The following TRPM1 variants were observed in gnomAD, a reference collection of about 807,000 sequenced individuals.
The protein encoded by TRPM1 is transient receptor potential cation channel subfamily M member 1.
In TRPM1, 113 loss-of-function variants were observed where a neutral mutation model predicts 149.4. The ratio of observed to expected loss-of-function variants is 0.76; its 90% confidence interval spans 0.65 to 0.88. TRPM1 has a LOEUF of 0.88. Ranked by LOEUF, TRPM1 falls within the 40% of genes least tolerant of loss-of-function variation. The pLI, the probability that TRPM1 is intolerant of heterozygous loss-of-function variation, is 0.00. For synonymous variants in TRPM1, 741 were observed against 759.5 expected, an observed-to-expected ratio of 0.98 and a Z score of 0.40; for missense variants, 1,976 against 2,038.7, an observed-to-expected ratio of 0.97 and a Z score of 0.59.
chr15:31,051,941 T>C (rs1047671112), intron 11 of TRPM1, among the ~76,000 whole-genome samples: 5 of 152,184 alleles, frequency 3.3e-5, no homozygotes, highest in African/African-American at 1.2e-4. Flanking sequence ...CTGGGGAGCA[T>C]TGTGACATCT....
intron 1 of TRPM1, among the ~76,000 whole-genome samples, chr15:31,090,047 C>T (rs1457694177): frequency 6.6e-6 from 1 of 152,158 alleles, no homozygotes; most frequent in Non-Finnish European, 1.5e-5. Flanking sequence ...TAAAAGTATA[C>T]GGAAATATTG....
chr15:31,017,228 G>T (rs944421939), intron 27 of TRPM1, among the ~76,000 whole-genome samples: 5 of 152,244 alleles, frequency 3.3e-5, no homozygotes, highest in African/African-American at 1.2e-4. Flanking sequence ...AAGGTTGCTT[G>T]AACCCGGGAG....
At chr15:31,149,730 A>C (rs551471039) in intron 1 of TRPM1, among the ~76,000 whole-genome samples, 2 of 152,036 alleles carry the variant, frequency 1.3e-5, no homozygotes, top group African/African-American at 2.4e-5. Context: ...CGTGTTAGCC[A>C]GGATGGTCTC....
intron 15 of TRPM1, among the ~76,000 whole-genome samples, chr15:31,046,540 C>T (rs1453182109): frequency 6.6e-6 from 1 of 152,086 alleles, no homozygotes; most frequent in African/African-American, 2.4e-5. Flanking sequence ...AGGAGGGCAT[C>T]ATGAAAGATC....
chr15:31,088,325 G>C (rs1032484288), intron 1 of TRPM1, among the ~76,000 whole-genome samples: 2 of 152,180 alleles, frequency 1.3e-5, no homozygotes, highest in Non-Finnish European at 2.9e-5. Flanking sequence ...CAATCCGCTC[G>C]GGTCTCCTTA....
intron 27 of TRPM1, among the ~76,000 whole-genome samples, chr15:31,020,805 G>C (rs1321276431): frequency 6.6e-6 from 1 of 152,152 alleles, no homozygotes; most frequent in Non-Finnish European, 1.5e-5. Context: ...CTGCATGCTT[G>C]TCTCTCTGTC....
At chr15:31,027,321 T>C (rs921076033) in intron 25 of TRPM1, among the ~76,000 whole-genome samples, 2 of 152,186 alleles carry the variant, frequency 1.3e-5, no homozygotes, top group African/African-American at 2.4e-5. Context: ...TATTCATAAA[T>C]AGCTAAGTGT....
intron 1 of TRPM1, among the ~76,000 whole-genome samples, chr15:31,136,939 G>C (rs2338807): frequency 0.32 from 48,203 of 151,938 alleles, 7,789 homozygotes; most frequent in African/African-American, 0.36. Flanking sequence ...CTGAAAGAGA[G>C]AGATCTGACA....
chr15:31,031,194 C>T (rs1381224252), intron 22 of TRPM1, 37 bp from the exon 23 acceptor site: 1 of 1,613,362 alleles, frequency 6.2e-7, no homozygotes, highest in Non-Finnish European at 8.5e-7. Context: ...ACTGTCTTGG[C>T]TTGTGGGCCA....
chr15:31,060,745 G>A (rs1162225149), intron 10 of TRPM1, 101 bp from the exon 11 acceptor site: 5 of 903,174 alleles, frequency 5.5e-6, no homozygotes, highest in Non-Finnish European at 9.0e-6. Flanking sequence ...TGGGCTGCTG[G>A]CCTAGAACTA....
At chr15:31,084,888 C>T (rs1262956248) in intron 1 of TRPM1, among the ~76,000 whole-genome samples, 1 of 149,714 alleles carries the variant, frequency 6.7e-6, no homozygotes, top group South Asian at 2.1e-4. Flanking sequence ...GGTGTTTCAC[C>T]ATGTTGACCA....
At chr15:31,021,772 C>A (rs1051040265) in intron 27 of TRPM1, among the ~76,000 whole-genome samples, 2 of 150,924 alleles carry the variant, frequency 1.3e-5, no homozygotes, top group Non-Finnish European at 2.9e-5. Flanking sequence ...CCACTTAATC[C>A]AGAAAGTTTT....
intron 1 of TRPM1, among the ~76,000 whole-genome samples, chr15:31,155,326 G>A (rs560095759): frequency 6.6e-6 from 1 of 152,186 alleles, no homozygotes; most frequent in Non-Finnish European, 1.5e-5. Context: ...CTGCAGTGGG[G>A]GAGCTTGGTG....
intron 21 of TRPM1, among the ~76,000 whole-genome samples, chr15:31,034,574 G>A (rs553635669): frequency 6.6e-6 from 1 of 152,336 alleles, no homozygotes; most frequent in African/African-American, 2.4e-5. Context: ...ACAGGATTAG[G>A]CCAAGGACAG....
At chr15:31,088,800 GC>G (rs1219857897) in intron 1 of TRPM1, among the ~76,000 whole-genome samples, 6 of 119,092 alleles carry the variant, frequency 5.0e-5, no homozygotes, top group Non-Finnish European at 6.9e-5. Context: ...CGTTCTTTCT[GC>G]TGGGGGGATG....
chr15:31,113,753 G>A (rs535970047), intron 1 of TRPM1, among the ~76,000 whole-genome samples: 2 of 152,194 alleles, frequency 1.3e-5, no homozygotes, highest in Non-Finnish European at 2.9e-5. Flanking sequence ...GAAGCATGCG[G>A]ACCTTCCCGG....
At chr15:31,123,096 C>T (rs141019887) in intron 1 of TRPM1, among the ~76,000 whole-genome samples, 229 of 152,288 alleles carry the variant, frequency 1.5e-3, no homozygotes, top group East Asian at 5.2e-3. Context: ...GGAGAAAGGA[C>T]GGTCTTTTCA....
intron 1 of TRPM1, among the ~76,000 whole-genome samples, chr15:31,113,438 T>G (rs914538900): frequency 2.6e-5 from 4 of 151,862 alleles, no homozygotes; most frequent in African/African-American, 9.7e-5. Flanking sequence ...GACAGTTTTT[T>G]TTTTTTCAAA....
At chr15:31,069,866 T>C (rs1455894511) in intron 4 of TRPM1, 165 bp downstream of exon 4, 1 of 1,582,192 alleles carries the variant, frequency 6.3e-7, no homozygotes, top group Non-Finnish European at 8.5e-7. Flanking sequence ...GCCTCATGGC[T>C]AAAAGCCATG....
Sources: allele counts gnomAD v4.1 joint callset (sites outside exome capture counted in the v4.1 genomes callset), GRCh38; gene constraint gnomAD v4.1.1; transcripts MANE v1.5; gene names NCBI Gene and HGNC (gene_info 2026-07-23, HGNC 2026-07-21).